ARID1A: variants seen among roughly 807,000 people sequenced by gnomAD.
ARID1A encodes AT-rich interaction domain 1A.
In ARID1A, 20 loss-of-function variants were observed where a neutral mutation model predicts 212.6. That is an observed-to-expected ratio of 0.09 (90% CI 0.07 to 0.14). ARID1A has a LOEUF of 0.14. Ranked by LOEUF, ARID1A falls within the 10% of genes least tolerant of loss-of-function variation. ARID1A has a pLI of 1.00. For synonymous variants in ARID1A, 1,376 were observed against 1,222.1 expected, an observed-to-expected ratio of 1.13 and a Z score of -2.63; for missense variants, 2,587 against 3,059.0, an observed-to-expected ratio of 0.85 and a Z score of 3.64.
At position 26,697,248 on chromosome 1, in the gene ARID1A, C is replaced by T. The variant is rs2080277271; in HGVS notation, c.845C>T (p.Ala282Val). The change falls in exon 1 of 20, where the codon GCC (alanine) becomes GTC (valine). Residue 282 changes from alanine (A) to valine (V), a missense_variant. By Grantham distance (64) the Ala-to-Val change is moderately conservative (BLOSUM62 0). This residue lies in a region of ARID1A where 735 missense variants were observed against 590.6 expected (regional missense o/e 1.24). Coordinates refer to ENST00000324856, the MANE Select transcript of ARID1A (RefSeq NM_006015.6). ...GAMGGGGPSA[A>V]GGGTPQPTAT... is the part of the protein sequence containing the mutation. Reference sequence around the variant, plus strand: ...ATGGGGGGAGGCGGCCCCTCCGCGGCCGGCGGGGGAACTCCCCAGCCCACC... The same window carrying T: ...ATGGGGGGAGGCGGCCCCTCCGCGGTCGGCGGGGGAACTCCCCAGCCCACC... 1 of 1,372,020 alleles carries T rather than the reference C, an allele frequency of 7.3e-7. No homozygotes were observed. Among genetic ancestry groups the T allele is most frequent in the African/African-American group, 1.5e-5 (1 of 65,638 alleles). 85.0% of individuals were successfully genotyped at this position (1,372,020 alleles called of 1,614,324 possible).
At position 26,781,069 on chromosome 1, in the gene ARID1A, C is replaced by T; in HGVS notation, c.*313C>T. ...TTTTAACCAAAGTTACTGTTGTTTA[C>T]AGTGAGTTTGGGGAAAAAAAATAAA... On this transcript the variant is annotated 3_prime_UTR_variant, in exon 20 of 20. Transcript: ENST00000324856. 3.3e-6 allele frequency: 1 copy of T among 301,186 alleles called. No individual in the cohort carries two copies. Among genetic ancestry groups the T allele is most frequent in the East Asian group, 4.8e-5 (1 of 20,654 alleles). 18.7% of individuals were successfully genotyped at this position (301,186 alleles called of 1,614,324 possible). A position where few individuals can be genotyped will look rare whatever the true frequency, so the allele number is the denominator to read the frequency against.
intron 1 of ARID1A, among the ~76,000 whole-genome samples, chr1:26,700,248 A>G (rs868020224): frequency 1.3e-5 from 2 of 152,238 alleles, no homozygotes; most frequent in East Asian, 3.8e-4. Flanking sequence ...ACTCTTCAAC[A>G]TTCTTAAATT....
rs915474721 is a variant in ARID1A at position 26,710,527 on chromosome 1, A to ACACACC, written c.1137+12988_1137+12989insACACCC. Among the ~76,000 whole-genome samples the ACACACC allele has an allele frequency of 1.4e-3, 218 of 150,496 alleles. 1 individual carries two copies. Among genetic ancestry groups the ACACACC allele is most frequent in the African/African-American group, 4.9e-3 (202 of 40,928 alleles). On this transcript the variant is annotated intron_variant, in intron 1 of 19. Coordinates refer to ENST00000324856, the MANE Select transcript of ARID1A (RefSeq NM_006015.6). ...CACACACACACACACACACACACAC[A>ACACACC]CCACTTGTTGTTCCAGCTTGAGAAG...
intron 1 of ARID1A, among the ~76,000 whole-genome samples, chr1:26,725,608 ATTAATT>A (rs1378121863): frequency 1.3e-5 from 2 of 152,192 alleles, no homozygotes; most frequent in Non-Finnish European, 2.9e-5. Flanking sequence ...AAGAAAGCAT[ATTAATT>A]TTATTTTTAG....
chr1:26,761,825 C>T (rs1177479910), intron 6 of ARID1A, among the ~76,000 whole-genome samples: 1 of 152,072 alleles, frequency 6.6e-6, no homozygotes, highest in Non-Finnish European at 1.5e-5. Context: ...TGATGGTTGC[C>T]CCCTTACATT....
chr1:26,780,008 A>G lies in ARID1A; in HGVS notation c.6110A>G (p.Gln2037Arg), dbSNP rs2124145878. Residue 2037 changes from glutamine to arginine, a missense_variant, in exon 20 of 20, where the codon CAG becomes CGG. Physicochemically the swap from Gln to Arg is conservative, Grantham distance 43 (BLOSUM62 1). This residue lies in a region of ARID1A where 168 missense variants were observed against 321.0 expected (regional missense o/e 0.52). Transcript: ENST00000324856. This position sits in a 1 kb window ranked among gnomAD's most constrained non-coding sequence, Gnocchi z 7.2. ...APLTYEKEEE[Q>R]DQGVSCNKVE... ...CTAACTTATGAAAAGGAGGAGGAAC[A>G]GGACCAAGGGGTGAGCTGCAACAAA... 1 of 1,614,206 alleles carries G rather than the reference A, an allele frequency of 6.2e-7. No homozygotes were observed. The highest frequency in any genetic ancestry group is 8.5e-7 in the Non-Finnish European group (1 of 1,180,024).
intron 1 of ARID1A, 157 bp from the exon 2 acceptor site, chr1:26,729,494 G>A: frequency 1.3e-6 from 1 of 797,558 alleles, no homozygotes; most frequent in Non-Finnish European, 2.0e-6. Context: ...AGGCGGGTCA[G>A]TTGACTTAAA....
intron 1 of ARID1A, among the ~76,000 whole-genome samples, chr1:26,702,950 G>A (rs2080345093): frequency 6.6e-6 from 1 of 152,202 alleles, no homozygotes; most frequent in African/African-American, 2.4e-5. Flanking sequence ...TTAAAGGGTA[G>A]CTTGGTGAGA....
chr1:26,758,983 A>G (rs1363587243), intron 4 of ARID1A, among the ~76,000 whole-genome samples: 1 of 152,152 alleles, frequency 6.6e-6, no homozygotes, highest in South Asian at 2.1e-4. Context: ...GAGGTACCCA[A>G]GTGGTTTGTG....
chr1:26,707,048 A>T (rs1478010221), intron 1 of ARID1A, among the ~76,000 whole-genome samples: 8 of 146,624 alleles, frequency 5.5e-5, no homozygotes, highest in African/African-American at 1.8e-4. Flanking sequence ...TTTTTTTTTT[A>T]GACGGAGTCT....
In ARID1A at chr1:26,711,610, T is replaced by C. The variant is rs76476217; in HGVS notation, c.1137+14070T>C. On this transcript the variant is annotated intron_variant, in intron 1 of 19. Transcript: ENST00000324856. ...AACAGGAGAAGAAAGAAAATACTTT[T>C]GAGATGGACCTTTACTAGTGCAGTG... Among the ~76,000 whole-genome samples, 1,395 of 152,332 alleles carry C rather than the reference T, an allele frequency of 9.2e-3. 13 individuals carry two copies. Among genetic ancestry groups the C allele is most frequent in the African/African-American group, 0.031 (1,309 of 41,576 alleles).
rs748085214 is a variant in ARID1A at position 26,696,448 on chromosome 1, CCCG to C, written c.60_62del (p.Pro21del). On this transcript the variant is annotated inframe_deletion, in exon 1 of 20. Transcript: ENST00000324856. The stretch of plus-strand genomic sequence containing the variant: ...CCGCCGCCGCCAGCAGCCTGGGCAA[CCCG>C]CCGCCGCCGCCGCCCTCGGAGCTGA... 1.2e-3 allele frequency: 1,471 copies of C among 1,268,634 alleles called. No individual in the cohort carries two copies. Among genetic ancestry groups the C allele is most frequent in the South Asian group, 7.8e-3 (323 of 41,498 alleles). The allele number at this position is 1,268,634 out of a possible 1,614,324, so 78.6% of individuals were successfully genotyped here.
Position 26,775,218 on chromosome 1 carries a change from T to C in ARID1A, c.4991T>C (p.Ile1664Thr), listed in dbSNP as rs1468927274. Residue 1664 changes from isoleucine (I) to threonine (T), a missense_variant and splice_region_variant, in exon 18 of 20, where the codon ATT (isoleucine) becomes ACT (threonine). Physicochemically the swap from Ile to Thr is moderately conservative, Grantham distance 89. Transcript: ENST00000324856. ...KQRRRLTMKD[I>T]GTPEAWRVMM... ...AGGAGGCGGCTCACAATGAAAGACA[T>C]TGGTAAGGAGATCTTCCTCATTCGG... The C allele has an allele frequency of 2.5e-6, 4 of 1,582,140 alleles. No individual in the cohort carries two copies. Among genetic ancestry groups the C allele is most frequent in the Admixed American group, 1.9e-5 (1 of 54,048 alleles).
Position 26,771,412 on chromosome 1 carries a change from C to A in ARID1A, c.3406+86C>A. Reference sequence around the variant, plus strand: ...TCAGGATATGAATAAGAGGCTTATCCAACAGGATATGCCAAGGATCTGTGC... The same window carrying A: ...TCAGGATATGAATAAGAGGCTTATCAAACAGGATATGCCAAGGATCTGTGC... On this transcript the variant is annotated intron_variant, in intron 12 of 19. Transcript: ENST00000324856. The surrounding 1 kb of genome is among the most constrained non-coding windows in gnomAD (Gnocchi z 5.4). The A allele has an allele frequency of 7.2e-7, 1 of 1,383,990 alleles. No homozygotes were observed. The highest frequency in any genetic ancestry group is 1.0e-6 in the Non-Finnish European group (1 of 996,046). 85.7% of individuals were successfully genotyped at this position (1,383,990 alleles called of 1,614,324 possible). A position where few individuals can be genotyped will look rare whatever the true frequency, so the allele number is the denominator to read the frequency against.
chr1:26,756,166 C>T (rs1272211407), intron 4 of ARID1A, among the ~76,000 whole-genome samples: 12 of 151,818 alleles, frequency 7.9e-5, no homozygotes, highest in African/African-American at 1.9e-4. Context: ...AATCCCAGAA[C>T]GTTAGGAGGC....
rs140946580 is a variant in ARID1A, at chr1:26,779,234, A to G, written c.5336A>G (p.Glu1779Gly). The change falls in exon 20 of 20, where the codon GAG (glutamate) becomes GGG (glycine). Residue 1779 changes from glutamate (E) to glycine (G), a missense_variant. By Grantham distance (98) the Glu-to-Gly change is moderately conservative. Around this residue, in one of 11 missense-constraint regions of ARID1A, gnomAD observed 890 missense variants for 1,098.2 expected, o/e 0.81. Transcript: ENST00000324856. ...LGPKLEEEEEEEVVENDEEIA... is the reference protein window; with the variant it reads ...LGPKLEEEEEGEVVENDEEIA... ...CCTAAACTAGAAGAGGAAGAAGAAG[A>G]GGAAGTAGTTGAAAATGATGAGGAG... The G allele has an allele frequency of 1.4e-3, 2,258 of 1,614,112 alleles. 3 individuals are homozygous for G. Among genetic ancestry groups the G allele is most frequent in the Non-Finnish European group, 1.6e-3 (1,850 of 1,179,966 alleles).
chr1:26,773,193 T>A (rs962562620), intron 14 of ARID1A, among the ~76,000 whole-genome samples, 153 bp from the exon 15 acceptor site: 1 of 152,126 alleles, frequency 6.6e-6, no homozygotes, highest in African/African-American at 2.4e-5. Flanking sequence ...GTACATGCTT[T>A]TCGCTGGTTG....
At position 26,774,680 on chromosome 1, in the gene ARID1A, A is replaced by G; in HGVS notation, c.4453A>G (p.Ile1485Val). 6.2e-7 allele frequency: 1 copy of G among 1,614,220 alleles called. No individual in the cohort carries two copies. Among genetic ancestry groups the G allele is most frequent in the Non-Finnish European group, 8.5e-7 (1 of 1,180,036 alleles). The change falls in exon 18 of 20, where the codon ATA (isoleucine) becomes GTA (valine). Residue 1485 changes from isoleucine (I) to valine (V), a missense_variant. Transcript: ENST00000324856. This position sits in a 1 kb window ranked among gnomAD's most constrained non-coding sequence, Gnocchi z 5.6. ...NMPPQMMGGPIQASAEVAQQG... is the reference protein window; with the variant it reads ...NMPPQMMGGPVQASAEVAQQG... ...GCCACCACAAATGATGGGCGGCCCC[A>G]TACAGGCATCAGCTGAGGTTGCTCA...
At chr1:26,712,418 C>T (rs1044324923) in intron 1 of ARID1A, among the ~76,000 whole-genome samples, 10 of 152,130 alleles carry the variant, frequency 6.6e-5, no homozygotes, top group African/African-American at 2.2e-4. Context: ...AGAGCAGTGG[C>T]TCACACTTGT....
Sources: gnomAD v4.1 joint callset for allele counts (sites outside exome capture counted in the v4.1 genomes callset) on GRCh38, gnomAD v4.1.1 for gene constraint, gnomAD v4.1.1 regional missense constraint, Gnocchi (gnomAD v3.1) non-coding constraint, MANE v1.5 for transcripts, NCBI Gene and HGNC (gene_info 2026-07-23, HGNC 2026-07-21) for gene names.